The following SUGCT variants were observed in gnomAD, a reference collection of about 807,000 sequenced individuals.
SUGCT encodes succinyl-CoA:glutarate CoA-transferase.
SUGCT carries 41 observed loss-of-function variants against 55.0 expected under a neutral mutation model. The observed-to-expected ratio is 0.74, with a 90% CI of 0.58 to 0.97. The LOEUF is 0.97. Among genes scored for constraint, SUGCT ranks in the 50% least tolerant of loss-of-function variants. The pLI, the probability that SUGCT is intolerant of heterozygous loss-of-function variation, is 0.00. For synonymous variants in SUGCT, 187 were observed against 200.4 expected, an observed-to-expected ratio of 0.93 and a Z score of 0.56; for missense variants, 568 against 547.8, an observed-to-expected ratio of 1.04 and a Z score of -0.37.
At chr7:41,008,495 C>T in the SUGCT span, among the ~76,000 whole-genome samples, 2 of 152,148 alleles carry the variant, frequency 1.3e-5, no homozygotes, top group African/African-American at 4.8e-5. Context: ...CCCTCTCTTT[C>T]CCCGGGAATT....
Position 40,416,873 on chromosome 7 carries a change from AGTCT to A in SUGCT, c.817-32408_817-32405del, listed in dbSNP as rs557206729. On this transcript the variant is annotated intron_variant, in intron 9 of 13. Coordinates refer to ENST00000335693, the MANE Select transcript of SUGCT (RefSeq NM_001193313.2). ...TCAAAAGTTGGATAATTCAGCTGTA[AGTCT>A]GTCTGGAACTAGTGCCTTTAAAAAA... is the stretch of plus-strand genomic sequence containing the variant. Among the ~76,000 whole-genome samples, 43 of 152,138 alleles carry A rather than the reference AGTCT, an allele frequency of 2.8e-4. No individual in the cohort carries two copies. In the East Asian group the frequency reaches 8.3e-3, roughly 29 times the overall value.
At chr7:40,361,443 G>A (rs1484403143) in intron 9 of SUGCT, among the ~76,000 whole-genome samples, 5 of 151,858 alleles carry the variant, frequency 3.3e-5, no homozygotes, top group East Asian at 1.9e-4. Flanking sequence ...GCGTGGTGAC[G>A]GGCACCTGTA....
chr7:41,012,912 C>T, the SUGCT span, among the ~76,000 whole-genome samples: 1 of 151,870 alleles, frequency 6.6e-6, no homozygotes, highest in Non-Finnish European at 1.5e-5. Flanking sequence ...AATATTTCCA[C>T]ATTCAGAACT....
chr7:40,583,511 T>C (rs1326348128), intron 12 of SUGCT, among the ~76,000 whole-genome samples: 1 of 152,192 alleles, frequency 6.6e-6, no homozygotes, highest in Non-Finnish European at 1.5e-5. Flanking sequence ...TTTAGTGTCA[T>C]TGAGTCAATT....
At chr7:40,651,968 T>C (rs1355070433) in intron 12 of SUGCT, among the ~76,000 whole-genome samples, 1 of 152,170 alleles carries the variant, frequency 6.6e-6, no homozygotes, top group Admixed American at 6.5e-5. Context: ...CTCCACCTGT[T>C]CTTTCCTTAA....
At chr7:40,682,748 A>G (rs997913894) in intron 12 of SUGCT, among the ~76,000 whole-genome samples, 16 of 151,648 alleles carry the variant, frequency 1.1e-4, no homozygotes, top group African/African-American at 3.6e-4. Context: ...AAATCCACCT[A>G]CTTTCTCTGG....
At chr7:40,824,165 T>G (rs1235506681) in intron 13 of SUGCT, among the ~76,000 whole-genome samples, 3 of 151,576 alleles carry the variant, frequency 2.0e-5, no homozygotes, top group Admixed American at 2.0e-4. Context: ...ATCCTCAAAT[T>G]AATTCACTCT....
intron 9 of SUGCT, among the ~76,000 whole-genome samples, chr7:40,419,379 A>G (rs1787182321): frequency 2.0e-5 from 3 of 152,192 alleles, no homozygotes; most frequent in Admixed American, 1.3e-4. Flanking sequence ...TCCCCAATAT[A>G]CTCATGAATC....
the SUGCT span, among the ~76,000 whole-genome samples, chr7:41,003,124 T>A: frequency 6.6e-6 from 1 of 152,206 alleles, no homozygotes; most frequent in South Asian, 2.1e-4. Context: ...ACTTAATAAA[T>A]GTCGGTGCGT....
At chr7:41,006,784 C>T in the SUGCT span, among the ~76,000 whole-genome samples, 1 of 152,184 alleles carries the variant, frequency 6.6e-6, no homozygotes, top group African/African-American at 2.4e-5. Context: ...GTCTTGGATA[C>T]TCACCCTTCT....
chr7:40,977,958 G>A, the SUGCT span, among the ~76,000 whole-genome samples: 1 of 152,064 alleles, frequency 6.6e-6, no homozygotes. Context: ...CTTAAACCTC[G>A]GCCATCTTGG....
chr7:40,949,331 G>C, the SUGCT span, among the ~76,000 whole-genome samples: 3 of 151,820 alleles, frequency 2.0e-5, no homozygotes, highest in African/African-American at 7.3e-5. Context: ...ATTTGTTTGA[G>C]CTCTTTGTAG....
intron 13 of SUGCT, among the ~76,000 whole-genome samples, chr7:40,859,354 T>A (rs1258930814): frequency 6.6e-6 from 1 of 152,194 alleles, no homozygotes; most frequent in Non-Finnish European, 1.5e-5. Context: ...GACACAGATT[T>A]TCATCCAGGC....
chr7:40,819,120 G>A (rs911718912), intron 13 of SUGCT, among the ~76,000 whole-genome samples: 1 of 152,026 alleles, frequency 6.6e-6, no homozygotes, highest in African/African-American at 2.4e-5. Flanking sequence ...ATTCCATGGT[G>A]TATATGTGCC....
chr7:40,251,114 C>CCTGCCTCA (rs1790364029), intron 7 of SUGCT, among the ~76,000 whole-genome samples: 1 of 152,132 alleles, frequency 6.6e-6, no homozygotes, highest in Non-Finnish European at 1.5e-5. Flanking sequence ...CAGGTGTGAG[C>CCTGCCTCA]CACCATGTCC....
At chr7:40,248,138 A>G (rs1220329843) in intron 7 of SUGCT, among the ~76,000 whole-genome samples, 1 of 151,344 alleles carries the variant, frequency 6.6e-6, no homozygotes, top group Non-Finnish European at 1.5e-5. Flanking sequence ...CAGCCTCCCA[A>G]GTAGCTGGGA....
chr7:40,631,786 T>C (rs1470521645), intron 12 of SUGCT, among the ~76,000 whole-genome samples: 1 of 152,128 alleles, frequency 6.6e-6, no homozygotes, highest in Admixed American at 6.5e-5. Context: ...TCTTTTCTCA[T>C]AGGACATAGC....
chr7:40,385,568 A>C (rs1785078393), intron 9 of SUGCT, among the ~76,000 whole-genome samples: 1 of 152,184 alleles, frequency 6.6e-6, no homozygotes, highest in Non-Finnish European at 1.5e-5. Flanking sequence ...CCCTGTCCTT[A>C]GGCAAGAAAT....
At chr7:40,796,217 C>G (rs1425155200) in intron 13 of SUGCT, among the ~76,000 whole-genome samples, 2 of 151,928 alleles carry the variant, frequency 1.3e-5, no homozygotes, top group African/African-American at 2.4e-5. Context: ...AAGTAGGAAA[C>G]GAGATGAGTA....
Sources: gnomAD v4.1 joint callset for allele counts (sites outside exome capture counted in the v4.1 genomes callset) on GRCh38, gnomAD v4.1.1 for gene constraint, MANE v1.5 for transcripts, NCBI Gene and HGNC (gene_info 2026-07-23, HGNC 2026-07-21) for gene names.